PAK5: variants seen among roughly 807,000 people sequenced by gnomAD.
PAK5 encodes serine/threonine-protein kinase PAK 5.
Under a neutral mutation model 65.9 loss-of-function variants are expected in PAK5, and 16 were observed. That is an observed-to-expected ratio of 0.24 (90% CI 0.16 to 0.37). The LOEUF is 0.37. Ranked by LOEUF, PAK5 falls within the 10% of genes least tolerant of loss-of-function variation. The pLI is 1.00. For synonymous variants in PAK5, 371 were observed against 354.9 expected (o/e 1.05, Z -0.51); for missense variants, 785 against 903.9 (o/e 0.87, Z 1.69).
chr20:9,569,726 G>T (rs952763014), intron 4 of PAK5, among the ~76,000 whole-genome samples: 1 of 149,144 alleles, frequency 6.7e-6, no homozygotes, highest in Admixed American at 6.6e-5. Context: ...AGCAATAACT[G>T]CACACAGTGG....
At chr20:9,680,747 G>A (rs553164219) in intron 2 of PAK5, among the ~76,000 whole-genome samples, 6 of 152,260 alleles carry the variant, frequency 3.9e-5, no homozygotes, top group African/African-American at 1.4e-4. Flanking sequence ...TCCTAACTGG[G>A]TCTGCTCCAG....
intron 1 of PAK5, among the ~76,000 whole-genome samples, chr20:9,831,863 C>T (rs1379764258): frequency 2.0e-5 from 3 of 152,218 alleles, no homozygotes; most frequent in Middle Eastern, 6.8e-3. Flanking sequence ...ATCCATATTT[C>T]CACCACCCAG....
At chr20:9,606,799 G>A (rs560974048) in intron 3 of PAK5, among the ~76,000 whole-genome samples, 52 of 152,212 alleles carry the variant, frequency 3.4e-4, no homozygotes, top group African/African-American at 1.2e-3. Flanking sequence ...CATAACTTGT[G>A]CACTTAAAGA....
chr20:9,666,404 T>G (rs954022661), intron 2 of PAK5, among the ~76,000 whole-genome samples: 1 of 126,018 alleles, frequency 7.9e-6, no homozygotes, highest in Non-Finnish European at 1.7e-5. Flanking sequence ...AAAAAAAACT[T>G]CAACAAAAGC....
At chr20:9,820,655 G>C (rs1236677240) in intron 1 of PAK5, among the ~76,000 whole-genome samples, 1 of 152,092 alleles carries the variant, frequency 6.6e-6, no homozygotes, top group African/African-American at 2.4e-5. Flanking sequence ...CAGTCCAATG[G>C]GACAAAGAAG....
chr20:9,646,093 G>T (rs1295777007), intron 2 of PAK5, among the ~76,000 whole-genome samples: 1 of 152,150 alleles, frequency 6.6e-6, no homozygotes, highest in Non-Finnish European at 1.5e-5. Flanking sequence ...AAATCACCCT[G>T]AACAGCACAT....
At chr20:9,551,159 T>A (rs1163828126) in intron 7 of PAK5, among the ~76,000 whole-genome samples, 1 of 152,126 alleles carries the variant, frequency 6.6e-6, no homozygotes, top group Non-Finnish European at 1.5e-5. Context: ...ACAACATTTG[T>A]CCAAATAAAT....
chr20:9,633,004 A>G, intron 3 of PAK5, among the ~76,000 whole-genome samples: 1 of 152,162 alleles, frequency 6.6e-6, no homozygotes, highest in East Asian at 1.9e-4. Flanking sequence ...AGACGGAGTT[A>G]CTACTCTCTA....
intron 9 of PAK5, among the ~76,000 whole-genome samples, chr20:9,542,236 G>A (rs763630751): frequency 3.3e-5 from 5 of 152,072 alleles, no homozygotes; most frequent in African/African-American, 7.2e-5. Flanking sequence ...GAAAAGCTGG[G>A]GTCATGCACG....
intron 1 of PAK5, among the ~76,000 whole-genome samples, chr20:9,731,541 A>C (rs999987464): frequency 3.3e-5 from 5 of 152,246 alleles, no homozygotes; most frequent in Admixed American, 3.3e-4. Flanking sequence ...ATTTACTGTG[A>C]TGGTTAAAGG....
chr20:9,542,729 C>T lies in PAK5; in HGVS notation c.1870-9G>A. On this transcript the variant is annotated splice_polypyrimidine_tract_variant and intron_variant, in intron 8 of 9. Coordinates refer to ENST00000353224, the MANE Select transcript of PAK5 (RefSeq NM_177990.4). ...AGGGACCAGATGTCCACCTGTTAGG[C>T]ACACCCTACTGGTTATCTCAGGCAA... 1 of 1,613,236 alleles carries T rather than the reference C, an allele frequency of 6.2e-7. No homozygotes were observed. Among genetic ancestry groups the T allele is most frequent in the Non-Finnish European group, 8.5e-7 (1 of 1,179,358 alleles).
In PAK5 at chr20:9,678,049, C is replaced by A. The variant is rs371166259; in HGVS notation, c.-12+33237G>T. Among the ~76,000 whole-genome samples the A allele has an allele frequency of 4.2e-3, 610 of 145,556 alleles. 5 individuals are homozygous for A. Among genetic ancestry groups the A allele is most frequent in the African/African-American group, 0.014 (582 of 40,790 alleles). The stretch of plus-strand genomic sequence containing the variant: ...CCATGGCACAAGCAAATGTCAAGAT[C>A]CTGTCTCTAGCCTCAGTTTCTACCA... On this transcript the variant is annotated intron_variant, in intron 2 of 9. Transcript: ENST00000353224.
chr20:9,575,756 T>C (rs1040287403), intron 4 of PAK5: 2 of 152,180 alleles, frequency 1.3e-5, no homozygotes, highest in African/African-American at 4.8e-5. Flanking sequence ...AGGCTACCTC[T>C]AGGATTTGTG....
chr20:9,619,513 C>T (rs2046732148), intron 3 of PAK5, among the ~76,000 whole-genome samples: 1 of 152,196 alleles, frequency 6.6e-6, no homozygotes, highest in Admixed American at 6.5e-5. Context: ...TTCTTCCTGG[C>T]TTTTTCTCCT....
At chr20:9,583,556 T>C (rs977380824) in intron 3 of PAK5, among the ~76,000 whole-genome samples, 3 of 152,240 alleles carry the variant, frequency 2.0e-5, no homozygotes, top group African/African-American at 7.2e-5. Flanking sequence ...TATAAATGTA[T>C]AGCTGTTGGA....
intron 1 of PAK5, among the ~76,000 whole-genome samples, chr20:9,831,670 G>T (rs1463781772): frequency 6.6e-6 from 1 of 152,126 alleles, no homozygotes; most frequent in African/African-American, 2.4e-5. Context: ...ACCACGCTCA[G>T]CTAACTTTTG....
chr20:9,786,553 C>T (rs1294018423), intron 1 of PAK5, among the ~76,000 whole-genome samples: 1 of 152,044 alleles, frequency 6.6e-6, no homozygotes, highest in Non-Finnish European at 1.5e-5. Flanking sequence ...TTCATAAAAC[C>T]TAAGTGTACA....
intron 1 of PAK5, among the ~76,000 whole-genome samples, chr20:9,728,963 G>A (rs886971786): frequency 2.0e-5 from 3 of 152,092 alleles, no homozygotes; most frequent in African/African-American, 7.2e-5. Flanking sequence ...TCCAATTTTG[G>A]GTAATTGTAT....
intron 2 of PAK5, among the ~76,000 whole-genome samples, chr20:9,659,837 C>G (rs2047320294): frequency 6.6e-6 from 1 of 152,102 alleles, no homozygotes; most frequent in African/African-American, 2.4e-5. Flanking sequence ...AAATGGTAGT[C>G]CTGTTGACAT....
Sources: allele counts gnomAD v4.1 joint callset (sites outside exome capture counted in the v4.1 genomes callset), GRCh38; gene constraint gnomAD v4.1.1; transcripts MANE v1.5; gene names NCBI Gene and HGNC (gene_info 2026-07-23, HGNC 2026-07-21).